Variants in COL19A1 observed in about 807,000 individuals in gnomAD.
The protein encoded by COL19A1 is collagen type XIX alpha 1 chain.
In COL19A1, 159 loss-of-function variants were observed where a neutral mutation model predicts 190.2. The ratio of observed to expected loss-of-function variants is 0.84; its 90% CI spans 0.73 to 0.95. COL19A1 has a LOEUF of 0.95. Among genes scored for constraint, COL19A1 ranks in the 40% least tolerant of loss-of-function variants. The pLI is 0.00. For missense variants in COL19A1, 1,418 were observed against 1,431.9 expected (o/e 0.99, Z 0.16); for synonymous variants, 509 against 458.9 (o/e 1.11, Z -1.39).
chr6:70,163,292 T>A, intron 35 of COL19A1, 51 bp from the exon 36 acceptor site: 1 of 1,536,018 alleles, frequency 6.5e-7, no homozygotes, highest in Admixed American at 1.7e-5. Context: ...CCAATACCCT[T>A]TGGCCATTTA....
chr6:69,881,325 CT>C (rs1020614246), intron 2 of COL19A1, among the ~76,000 whole-genome samples: 1 of 152,054 alleles, frequency 6.6e-6, no homozygotes, highest in African/African-American at 2.4e-5. Flanking sequence ...CCAAGGTTAC[CT>C]TTTTTTGTTA....
intron 18 of COL19A1, among the ~76,000 whole-genome samples, chr6:70,134,751 G>C (rs946222995): frequency 2.6e-5 from 4 of 152,180 alleles, no homozygotes; most frequent in Non-Finnish European, 5.9e-5. Flanking sequence ...TTCTTTCCTA[G>C]TATCAACTCT....
chr6:70,005,473 C>T (rs2150088711), intron 11 of COL19A1, among the ~76,000 whole-genome samples: 1 of 152,216 alleles, frequency 6.6e-6, no homozygotes, highest in African/African-American at 2.4e-5. Flanking sequence ...CTGGTTTGCT[C>T]CCACACCTGG....
At chr6:69,925,023 G>C (rs1276067401) in intron 4 of COL19A1, among the ~76,000 whole-genome samples, 4 of 151,984 alleles carry the variant, frequency 2.6e-5, no homozygotes, top group Admixed American at 6.6e-5. Context: ...AATTTTCTCT[G>C]ATTCTGTAGG....
intron 15 of COL19A1, among the ~76,000 whole-genome samples, chr6:70,083,832 G>C (rs1582870892): frequency 1.3e-5 from 2 of 152,108 alleles, no homozygotes; most frequent in African/African-American, 4.8e-5. Flanking sequence ...TGTCTGTTCT[G>C]TTTTATTCCT....
At chr6:70,026,304 C>T (rs923609327) in intron 12 of COL19A1, among the ~76,000 whole-genome samples, 1 of 152,182 alleles carries the variant, frequency 6.6e-6, no homozygotes, top group African/African-American at 2.4e-5. Context: ...CTGTCAGCCA[C>T]TGTGTGAGTT....
At chr6:70,029,414 C>A (rs1167308092) in intron 12 of COL19A1, among the ~76,000 whole-genome samples, 1 of 152,076 alleles carries the variant, frequency 6.6e-6, no homozygotes, top group Non-Finnish European at 1.5e-5. Context: ...CATGTAGAAT[C>A]AACTACTGTG....
At chr6:69,886,628 T>G (rs2000103) in intron 2 of COL19A1, among the ~76,000 whole-genome samples, 37,549 of 151,828 alleles carry the variant, frequency 0.25, 4,891 homozygotes, top group East Asian at 0.32. Context: ...TTTTTTTTTT[T>G]TGTGTGGTGA....
chr6:70,142,722 T>TA (rs1786342123), intron 22 of COL19A1, 45 bp from the exon 23 acceptor site: 1 of 1,550,910 alleles, frequency 6.4e-7, no homozygotes, highest in African/African-American at 1.4e-5. Context: ...TATCTTTTTT[T>TA]TTCTTTTTTA....
intron 11 of COL19A1, among the ~76,000 whole-genome samples, chr6:70,016,630 T>G (rs988733513): frequency 6.6e-6 from 1 of 151,990 alleles, no homozygotes; most frequent in Non-Finnish European, 1.5e-5. Flanking sequence ...ATTTGCAAAT[T>G]ATATATCTGA....
At chr6:70,131,577 T>A (rs974694667) in intron 18 of COL19A1, among the ~76,000 whole-genome samples, 3 of 152,324 alleles carry the variant, frequency 2.0e-5, no homozygotes, top group African/African-American at 7.2e-5. Flanking sequence ...TTAACATTAT[T>A]TCCTGTAACC....
At chr6:70,142,346 A>G (rs1786310416) in intron 22 of COL19A1, among the ~76,000 whole-genome samples, 1 of 152,198 alleles carries the variant, frequency 6.6e-6, no homozygotes, top group African/African-American at 2.4e-5. Context: ...AATGTGAGCT[A>G]AATCTACGAC....
intron 14 of COL19A1, among the ~76,000 whole-genome samples, chr6:70,044,553 G>A (rs1779806264): frequency 6.6e-6 from 1 of 152,120 alleles, no homozygotes; most frequent in Non-Finnish European, 1.5e-5. Context: ...TCGAACACTT[G>A]AGGCCATTGT....
At chr6:69,931,090 G>GT (rs1458402326) in intron 6 of COL19A1, among the ~76,000 whole-genome samples, 2 of 152,106 alleles carry the variant, frequency 1.3e-5, no homozygotes, top group Non-Finnish European at 2.9e-5. Flanking sequence ...CATCATCTCT[G>GT]TACAAGCTCT....
intron 15 of COL19A1, among the ~76,000 whole-genome samples, chr6:70,074,217 C>T (rs1781726994): frequency 1.3e-5 from 2 of 151,630 alleles, no homozygotes; most frequent in African/African-American, 2.4e-5. Context: ...AATAGTGTTT[C>T]ATTGGGCGCG....
Position 69,978,965 on chromosome 6 carries a change from A to G in COL19A1, c.1026+16095A>G, listed in dbSNP as rs927365821. 2.6e-5 allele frequency among the ~76,000 whole-genome samples: 4 copies of G among 151,874 alleles called. 1 individual carries two copies. Among genetic ancestry groups the G allele is most frequent in the South Asian group, 4.1e-4 (2 of 4,832 alleles). Reference sequence around the variant, plus strand: ...GTTATATGTGTAATTTGAAAGAAACAAAAATTTGATCACCTAGAGAAAATG... The same window carrying G: ...GTTATATGTGTAATTTGAAAGAAACGAAAATTTGATCACCTAGAGAAAATG... On this transcript the variant is annotated intron_variant, in intron 11 of 50. Coordinates refer to ENST00000620364, the MANE Select transcript of COL19A1 (RefSeq NM_001858.6).
Position 70,190,381 on chromosome 6 carries a change from G to A in COL19A1, c.3094G>A (p.Glu1032Lys). ...TCAAGAGGTCCTAAGGATTTTTGAAGGTTAGATTTTCTTAATAACATTTTC... is the reference window on the plus strand; with the variant it reads ...TCAAGAGGTCCTAAGGATTTTTGAAAGTTAGATTTTCTTAATAACATTTTC... ...INQEVLRIFE[E>K]RMAVFLSQLK... The change falls in exon 48 of 51, where the codon GAG becomes AAG. Residue 1032 changes from glutamate to lysine, a missense_variant and splice_region_variant. Coordinates refer to ENST00000620364, the MANE Select transcript of COL19A1 (RefSeq NM_001858.6). 2 of 1,589,106 alleles carry A rather than the reference G, an allele frequency of 1.3e-6. No homozygotes were observed. The highest frequency in any genetic ancestry group is 2.2e-5 in the East Asian group (1 of 44,652).
At chr6:69,895,636 CAA>C (rs1189445571) in intron 2 of COL19A1, among the ~76,000 whole-genome samples, 2 of 152,216 alleles carry the variant, frequency 1.3e-5, no homozygotes, top group Admixed American at 6.5e-5. Context: ...CTCCCCACTG[CAA>C]AGAGTGTGAG....
At chr6:69,997,155 C>G (rs1776965770) in intron 11 of COL19A1, among the ~76,000 whole-genome samples, 1 of 151,868 alleles carries the variant, frequency 6.6e-6, no homozygotes, top group Non-Finnish European at 1.5e-5. Flanking sequence ...AAAGAAAAAG[C>G]AAAGAAGCCT....
Sources: allele counts gnomAD v4.1 joint callset (sites outside exome capture counted in the v4.1 genomes callset), GRCh38; gene constraint gnomAD v4.1.1; transcripts MANE v1.5; gene names NCBI Gene and HGNC (gene_info 2026-07-23, HGNC 2026-07-21).